Variants in CCSER1 observed in about 807,000 individuals in gnomAD.
CCSER1 encodes the protein serine-rich coiled-coil domain-containing protein 1.
A neutral mutation model predicts 82.0 loss-of-function variants in CCSER1; 41 were observed. The observed-to-expected ratio is 0.50, with a 90% CI of 0.39 to 0.65. CCSER1 has a LOEUF of 0.65. Ranked by LOEUF, CCSER1 falls within the 30% of genes least tolerant of loss-of-function variation. The pLI, the probability that CCSER1 is intolerant of heterozygous loss-of-function variation, is 0.00. For synonymous variants in CCSER1, 414 were observed against 383.9 expected, an observed-to-expected ratio of 1.08 and a Z score of -0.92; for missense variants, 1,119 against 1,064.2, an observed-to-expected ratio of 1.05 and a Z score of -0.72.
At chr4:90,498,371 G>A (rs781675776) in intron 5 of CCSER1, among the ~76,000 whole-genome samples, 1 of 152,110 alleles carries the variant, frequency 6.6e-6, no homozygotes, top group Non-Finnish European at 1.5e-5. Context: ...GATTGACTGC[G>A]CAGAACTGAA....
At chr4:91,497,613 C>T (rs964822910) in intron 10 of CCSER1, among the ~76,000 whole-genome samples, 2 of 151,606 alleles carry the variant, frequency 1.3e-5, no homozygotes, top group South Asian at 2.1e-4. Context: ...AAGGAGTTAC[C>T]GTGTTCAGTA....
intron 5 of CCSER1, among the ~76,000 whole-genome samples, chr4:90,549,924 C>A (rs1330897914): frequency 1.3e-5 from 2 of 151,748 alleles, no homozygotes; most frequent in African/African-American, 4.8e-5. Context: ...GTCTTGGTAA[C>A]TACTGGACAT....
At chr4:91,520,097 T>G (rs1032479105) in intron 10 of CCSER1, among the ~76,000 whole-genome samples, 10 of 152,216 alleles carry the variant, frequency 6.6e-5, no homozygotes, top group African/African-American at 2.4e-4. Flanking sequence ...CTTGTGTTCA[T>G]CCATTACTAC....
At chr4:91,042,649 C>G (rs1364474121) in intron 9 of CCSER1, among the ~76,000 whole-genome samples, 1 of 151,992 alleles carries the variant, frequency 6.6e-6, no homozygotes, top group African/African-American at 2.4e-5. Flanking sequence ...AGTAAATGTT[C>G]CCATTTTCTA....
chr4:90,607,840 T>A (rs955597569), intron 5 of CCSER1, among the ~76,000 whole-genome samples: 4 of 152,180 alleles, frequency 2.6e-5, no homozygotes, highest in Non-Finnish European at 5.9e-5. Context: ...GAAATTCAAC[T>A]TGCCTTTTCC....
intron 10 of CCSER1, among the ~76,000 whole-genome samples, chr4:91,180,177 T>G (rs556644010): frequency 1.4e-3 from 210 of 152,306 alleles, no homozygotes; most frequent in African/African-American, 4.7e-3. Flanking sequence ...GAAAGCTTCG[T>G]CTCAGAGGGG....
chr4:91,283,469 G>A (rs1268089694), intron 10 of CCSER1, among the ~76,000 whole-genome samples: 1 of 152,028 alleles, frequency 6.6e-6, no homozygotes, highest in Non-Finnish European at 1.5e-5. Context: ...TAAGGAATTG[G>A]TGCAAGGGAA....
rs113791524 is a variant in CCSER1 at position 90,900,260 on chromosome 4, G to A, written c.2095-23110G>A. 5.9e-3 allele frequency among the ~76,000 whole-genome samples: 899 copies of A among 151,810 alleles called. 10 individuals carry two copies. Among genetic ancestry groups the A allele is most frequent in the African/African-American group, 0.02 (846 of 41,468 alleles). On this transcript the variant is annotated intron_variant, in intron 8 of 10. Coordinates refer to ENST00000509176, the MANE Select transcript of CCSER1 (RefSeq NM_001145065.2). ...TTTTCTAGATTGTCTGCGTAGAGAT[G>A]TTCTTAGCAGTCTCTGAGAACGTAT...
At chr4:91,527,719 G>A (rs1013383857) in intron 10 of CCSER1, among the ~76,000 whole-genome samples, 4 of 151,896 alleles carry the variant, frequency 2.6e-5, no homozygotes, top group Non-Finnish European at 4.4e-5. Context: ...TTAGTATGAG[G>A]TATATATTTA....
chr4:91,465,259 G>C (rs1467026908), intron 10 of CCSER1, among the ~76,000 whole-genome samples: 1 of 152,014 alleles, frequency 6.6e-6, no homozygotes, highest in Non-Finnish European at 1.5e-5. Context: ...ATGATTACTG[G>C]GTATATAACG....
At chr4:90,724,640 G>T in intron 7 of CCSER1, 2 of 375,752 alleles carry the variant, frequency 5.3e-6, no homozygotes, top group Non-Finnish European at 1.0e-5. Context: ...GGGGTATTTA[G>T]ATATTATTAG....
At chr4:90,988,870 G>A (rs1736799954) in intron 9 of CCSER1, among the ~76,000 whole-genome samples, 1 of 151,690 alleles carries the variant, frequency 6.6e-6, no homozygotes, top group Non-Finnish European at 1.5e-5. Context: ...TCTGTTTTGT[G>A]GGGTTTTTTA....
chr4:90,930,023 C>G (rs980984991), intron 9 of CCSER1, among the ~76,000 whole-genome samples: 1 of 151,780 alleles, frequency 6.6e-6, no homozygotes, highest in African/African-American at 2.4e-5. Context: ...ATAATGTTAA[C>G]TTAAAAAAAT....
intron 4 of CCSER1, among the ~76,000 whole-genome samples, chr4:90,413,838 A>C (rs1755294687): frequency 6.8e-6 from 1 of 147,172 alleles, no homozygotes; most frequent in Non-Finnish European, 1.5e-5. Context: ...AGTTCCAGCT[A>C]CTCGGGAGGC....
intron 4 of CCSER1, among the ~76,000 whole-genome samples, chr4:90,424,745 A>C (rs1757299304): frequency 6.6e-6 from 1 of 152,212 alleles, no homozygotes; most frequent in Non-Finnish European, 1.5e-5. Context: ...CCTGATGTGC[A>C]CATACATGTA....
chr4:90,567,686 G>A (rs1405875758), intron 5 of CCSER1, among the ~76,000 whole-genome samples: 2 of 149,658 alleles, frequency 1.3e-5, no homozygotes, highest in Admixed American at 1.3e-4. Flanking sequence ...GCTCACTGCA[G>A]CCTCAGCCTT....
intron 5 of CCSER1, among the ~76,000 whole-genome samples, chr4:90,614,071 C>G (rs1293634253): frequency 6.6e-6 from 1 of 152,174 alleles, no homozygotes; most frequent in African/African-American, 2.4e-5. Flanking sequence ...ACAACCTGTG[C>G]TCACTGTGTC....
At position 90,826,508 on chromosome 4, in the gene CCSER1, A is replaced by T. The variant is rs117872719; in HGVS notation, c.2094+10663A>T. 3.6e-4 allele frequency among the ~76,000 whole-genome samples: 55 copies of T among 152,330 alleles called. No individual in the cohort carries two copies. The East Asian group carries it at 7.1e-3, about 20-fold the overall frequency. On this transcript the variant is annotated intron_variant, in intron 8 of 10. Coordinates refer to ENST00000509176, the MANE Select transcript of CCSER1 (RefSeq NM_001145065.2). ...TAATAACAACAGCCACTAGCTACTG[A>T]GCTCCTAACCTTTGACAGGTACTGT...
At chr4:90,213,186 G>A (rs994687768) in intron 1 of CCSER1, among the ~76,000 whole-genome samples, 1 of 152,170 alleles carries the variant, frequency 6.6e-6, no homozygotes. Flanking sequence ...CAGGGTGGTA[G>A]CAGTGGAGAG....
Sources: gnomAD v4.1 joint callset for allele counts (sites outside exome capture counted in the v4.1 genomes callset) on GRCh38, gnomAD v4.1.1 for gene constraint, MANE v1.5 for transcripts, NCBI Gene and HGNC (gene_info 2026-07-23, HGNC 2026-07-21) for gene names.